IRAK1BP1: variants seen among roughly 807,000 people sequenced by gnomAD.
IRAK1BP1 encodes the protein interleukin-1 receptor-associated kinase 1-binding protein 1.
IRAK1BP1 carries 24 observed loss-of-function variants against 28.0 expected under a neutral mutation model. The observed-to-expected ratio is 0.86, with a 90% CI of 0.62 to 1.20. The LOEUF (loss-of-function observed/expected upper bound fraction) is 1.20, where lower values mean the gene tolerates loss of function less well. Among genes scored for constraint, IRAK1BP1 ranks in the 50% most tolerant of loss-of-function variants. The pLI is 0.00. For synonymous variants in IRAK1BP1, 131 were observed against 116.3 expected (o/e 1.13, Z -0.81); for missense variants, 336 against 316.7 (o/e 1.06, Z -0.46).
chr6:78,871,408 G>C, intron 1 of IRAK1BP1: 1 of 985,448 alleles, frequency 1.0e-6, no homozygotes, highest in African/African-American at 1.7e-5. Flanking sequence ...TTAACACAGT[G>C]CAACCAAAAG....
intron 1 of IRAK1BP1, among the ~76,000 whole-genome samples, chr6:78,879,483 A>G (rs1252812536): frequency 6.6e-6 from 1 of 152,240 alleles, no homozygotes; most frequent in Non-Finnish European, 1.5e-5. Flanking sequence ...AGTCTTTTCA[A>G]CAAATGTTGC....
chr6:78,957,382 A>G, the IRAK1BP1 span: 1 of 151,990 alleles, frequency 6.6e-6, no homozygotes, highest in Non-Finnish European at 1.5e-5. Context: ...AAAGCATAGC[A>G]ATAATAGCCC....
At chr6:78,897,992 C>A (rs1771953810) in intron 3 of IRAK1BP1, 33 bp downstream of exon 3, 1 of 1,610,438 alleles carries the variant, frequency 6.2e-7, no homozygotes, top group Admixed American at 1.7e-5. Context: ...CTAAGATATT[C>A]TTTAAACAAA....
the IRAK1BP1 span, among the ~76,000 whole-genome samples, chr6:78,966,233 T>A: frequency 3.3e-5 from 5 of 152,176 alleles, no homozygotes; most frequent in East Asian, 7.7e-4. Flanking sequence ...AAAAAAGGAA[T>A]TTAGTAAGCA....
rs1313573925 is a variant in IRAK1BP1, at chr6:78,899,873, ATTTG to A, written c.*1543_*1546del. 1 of 152,322 alleles carries A rather than the reference ATTTG, an allele frequency of 6.6e-6. No homozygotes were observed. Among genetic ancestry groups the A allele is most frequent in the East Asian group, 1.9e-4 (1 of 5,182 alleles). The allele number at this position is 152,322 out of a possible 1,614,324, so 9.4% of individuals were successfully genotyped here. On this transcript the variant is annotated 3_prime_UTR_variant, in exon 4 of 4. Transcript: ENST00000369940. ...TAATCAGTATTTTTTAAATTGAGAT[ATTTG>A]TTTTATCTTCAAAATTCAGTGTATA...
At chr6:78,896,496 G>A (rs1038359599) in intron 2 of IRAK1BP1, among the ~76,000 whole-genome samples, 1 of 152,058 alleles carries the variant, frequency 6.6e-6, no homozygotes, top group Non-Finnish European at 1.5e-5. Flanking sequence ...CATTTATATG[G>A]CATTCTGAAA....
chr6:78,965,756 T>C, the IRAK1BP1 span: 6 of 1,540,502 alleles, frequency 3.9e-6, no homozygotes, highest in Non-Finnish European at 3.6e-6. Context: ...TGTATCTCCA[T>C]TGTCCCAGCT....
chr6:78,929,647 A>G (rs908473415), intron 4 of IRAK1BP1, among the ~76,000 whole-genome samples: 8 of 152,200 alleles, frequency 5.3e-5, no homozygotes, highest in Admixed American at 4.6e-4. Context: ...TACCTGGGTA[A>G]CAAACTTGCT....
At chr6:78,919,402 A>C (rs1050993203) in intron 4 of IRAK1BP1, among the ~76,000 whole-genome samples, 22 of 152,176 alleles carry the variant, frequency 1.4e-4, no homozygotes, top group African/African-American at 5.3e-4. Context: ...ATGAGACCCA[A>C]AGCTGGCTCT....
Position 78,867,757 on chromosome 6 carries a change from G to A in IRAK1BP1, c.181G>A (p.Val61Met). Residue 61 changes from valine (V) to methionine (M), a missense_variant, in exon 1 of 4, where the codon GTG becomes ATG. Val to Met is a conservative substitution (Grantham distance 21). Coordinates refer to ENST00000369940, the MANE Select transcript of IRAK1BP1 (RefSeq NM_001010844.4). ...REVQVSGTSE[V>M]SAGPDRAQVV... is the part of the protein sequence containing the mutation. ...GGTGCAAGTAAGCGGCACCTCAGAA[G>A]TGTCTGCGGGCCCTGACCGGGCGCA... 2 of 1,614,204 alleles carry A rather than the reference G, an allele frequency of 1.2e-6. No individual in the cohort carries two copies. The highest frequency in any genetic ancestry group is 1.7e-6 in the Non-Finnish European group (2 of 1,180,030).
At chr6:78,929,430 T>C (rs889948556) in intron 4 of IRAK1BP1, among the ~76,000 whole-genome samples, 1 of 152,142 alleles carries the variant, frequency 6.6e-6, no homozygotes, top group African/African-American at 2.4e-5. Context: ...AGTGAATTAA[T>C]GCAGAAACAG....
the IRAK1BP1 span, among the ~76,000 whole-genome samples, chr6:78,964,097 A>C: frequency 2.0e-5 from 3 of 152,226 alleles, no homozygotes; most frequent in Non-Finnish European, 4.4e-5. Flanking sequence ...GTTCAATGTG[A>C]GTTCAAATTC....
chr6:78,879,214 G>T lies in IRAK1BP1; in HGVS notation c.316-6164G>T, dbSNP rs138353128. On this transcript the variant is annotated intron_variant, in intron 1 of 3. Transcript: ENST00000369940. Reference sequence around the variant, plus strand: ...AGGGCCTGTCTTGGGGTGGGGGTAGGGGGTAGGGATAGCATTAGGAGATAC... The same window carrying T: ...AGGGCCTGTCTTGGGGTGGGGGTAGTGGGTAGGGATAGCATTAGGAGATAC... Among the ~76,000 whole-genome samples, 851 of 152,154 alleles carry T rather than the reference G, an allele frequency of 5.6e-3. 6 individuals carry two copies. The highest frequency in any genetic ancestry group is 0.02 in the African/African-American group (824 of 41,492).
intron 4 of IRAK1BP1, chr6:78,940,348 G>A (rs1773425951): frequency 1.3e-5 from 2 of 151,708 alleles, no homozygotes; most frequent in African/African-American, 4.8e-5. Flanking sequence ...CCTAAAGAGT[G>A]TAGCAGAATT....
chr6:78,869,264 A>G (rs1770707531), intron 1 of IRAK1BP1, among the ~76,000 whole-genome samples: 1 of 152,252 alleles, frequency 6.6e-6, no homozygotes, highest in Non-Finnish European at 1.5e-5. Context: ...TCATGCCTGT[A>G]ATGCCAACAC....
intron 4 of IRAK1BP1, among the ~76,000 whole-genome samples, chr6:78,930,107 T>C (rs1338848311): frequency 2.0e-5 from 3 of 152,056 alleles, no homozygotes; most frequent in Non-Finnish European, 4.4e-5. Flanking sequence ...AGCTAATTTT[T>C]TGTAGAGACA....
chr6:78,958,177 A>G, the IRAK1BP1 span: 1 of 204,512 alleles, frequency 4.9e-6, no homozygotes, highest in Non-Finnish European at 9.8e-6. Context: ...TACTATTATT[A>G]TTGTCTAACA....
intron 4 of IRAK1BP1, chr6:78,935,663 G>A (rs1235127293): frequency 3.1e-6 from 3 of 983,592 alleles, no homozygotes; most frequent in Admixed American, 6.2e-5. Context: ...ATTACATTTC[G>A]GCACCCAAAT....
intron 4 of IRAK1BP1, chr6:78,940,626 C>T: frequency 1.4e-6 from 1 of 723,676 alleles, no homozygotes; most frequent in African/African-American, 2.1e-5. Context: ...AAGCAGAAGC[C>T]TTAGTTCTAC....
Sources: gnomAD v4.1 joint callset for allele counts (sites outside exome capture counted in the v4.1 genomes callset) on GRCh38, gnomAD v4.1.1 for gene constraint, MANE v1.5 for transcripts, NCBI Gene and HGNC (gene_info 2026-07-23, HGNC 2026-07-21) for gene names.